Variants in SGCD observed in about 807,000 individuals in gnomAD.
The protein encoded by SGCD is delta-sarcoglycan.
Under a neutral mutation model 36.6 loss-of-function variants are expected in SGCD, and 18 were observed. The observed-to-expected ratio is 0.49, with a 90% CI of 0.34 to 0.73. The LOEUF is 0.73. SGCD is among the 30% of genes least tolerant of loss of function. SGCD has a pLI of 0.01. For missense variants in SGCD, 387 were observed against 346.7 expected (o/e 1.12, Z -0.92); for synonymous variants, 133 against 130.6 (o/e 1.02, Z -0.12).
intron 1 of SGCD, among the ~76,000 whole-genome samples, chr5:156,036,405 T>A (rs1759497106): frequency 6.6e-6 from 1 of 152,176 alleles, no homozygotes; most frequent in Non-Finnish European, 1.5e-5. Context: ...TAAGCATGAC[T>A]CTATCCAGGC....
intron 3 of SGCD, among the ~76,000 whole-genome samples, chr5:156,400,312 A>G (rs564830993): frequency 2.0e-5 from 3 of 152,352 alleles, no homozygotes; most frequent in Non-Finnish European, 4.4e-5. Flanking sequence ...GAGAAAATAT[A>G]CAGTTTCCAT....
rs1021837057 is a variant in SGCD, at chr5:156,344,638, C to T, written c.153C>T (p.Ala51=). 5.6e-6 allele frequency: 9 copies of T among 1,610,812 alleles called. No homozygotes were observed. The Admixed American group carries it at 1.3e-4, about 24-fold the overall frequency. ...LLMILILVNL[A]MTIWILKVMN... ...TGATTTTAATACTGGTGAACTTGGC[C>T]ATGACCATCTGGATTCTCAAAGTCA... The change falls in exon 3 of 9, where the codon GCC becomes GCT. Residue 51 remains alanine (A), a synonymous_variant. Coordinates refer to ENST00000337851, the MANE Select transcript of SGCD (RefSeq NM_000337.6).
chr5:156,113,763 T>C (rs1761846548), intron 1 of SGCD, among the ~76,000 whole-genome samples: 1 of 152,196 alleles, frequency 6.6e-6, no homozygotes, highest in Non-Finnish European at 1.5e-5. Flanking sequence ...GGAGCCAGCA[T>C]GTCCTTCTTT....
chr5:156,261,761 A>T (rs899350308), intron 3 of SGCD, among the ~76,000 whole-genome samples: 2 of 152,190 alleles, frequency 1.3e-5, no homozygotes, highest in African/African-American at 4.8e-5. Context: ...GTGGGATAAG[A>T]TGTGGAGGTC....
chr5:155,960,249 G>C (rs184148817), intron 1 of SGCD, among the ~76,000 whole-genome samples: 5 of 152,080 alleles, frequency 3.3e-5, no homozygotes, highest in African/African-American at 1.2e-4. Flanking sequence ...GTTTCTCTCA[G>C]GGGAAACCTA....
At chr5:156,023,863 A>C (rs1759164450) in intron 1 of SGCD, among the ~76,000 whole-genome samples, 1 of 152,158 alleles carries the variant, frequency 6.6e-6, no homozygotes, top group Non-Finnish European at 1.5e-5. Flanking sequence ...CTACTCTGCA[A>C]TTGCTTCTTC....
At chr5:156,679,636 A>T (rs1753648183) in intron 7 of SGCD, among the ~76,000 whole-genome samples, 1 of 152,190 alleles carries the variant, frequency 6.6e-6, no homozygotes, top group African/African-American at 2.4e-5. Flanking sequence ...TATGGCTCTG[A>T]TGTGCACAGA....
chr5:156,253,686 G>C (rs902665036), intron 3 of SGCD, among the ~76,000 whole-genome samples: 1 of 152,056 alleles, frequency 6.6e-6, no homozygotes, highest in African/African-American at 2.4e-5. Flanking sequence ...CTATTACTCG[G>C]ATTCCTCAGG....
intron 4 of SGCD, among the ~76,000 whole-genome samples, chr5:156,551,316 T>C (rs1025783147): frequency 6.6e-6 from 1 of 152,336 alleles, no homozygotes; most frequent in East Asian, 1.9e-4. Flanking sequence ...TTATTCCCAC[T>C]GAACATATTA....
chr5:156,604,976 C>T (rs990277666), intron 6 of SGCD, among the ~76,000 whole-genome samples: 2 of 151,664 alleles, frequency 1.3e-5, no homozygotes, highest in African/African-American at 4.8e-5. Context: ...GAAAGATTTA[C>T]ATAGTACCAT....
intron 3 of SGCD, among the ~76,000 whole-genome samples, chr5:156,399,396 A>G (rs1442357460): frequency 1.3e-5 from 2 of 152,228 alleles, no homozygotes; most frequent in Non-Finnish European, 2.9e-5. Flanking sequence ...TCTGAGCAGC[A>G]GGTCCACCAA....
intron 3 of SGCD, among the ~76,000 whole-genome samples, chr5:156,475,354 A>G (rs1755134789): frequency 6.6e-6 from 1 of 152,180 alleles, no homozygotes. Flanking sequence ...CTGCTCTGTC[A>G]TAGTGACAGT....
At position 156,734,144 on chromosome 5, in the gene SGCD, T is replaced by C. The variant is rs1297123405; in HGVS notation, c.576-23437T>C. 2.6e-5 allele frequency among the ~76,000 whole-genome samples: 4 copies of C among 152,264 alleles called. No individual in the cohort carries two copies. The East Asian group carries it at 7.7e-4, about 29-fold the overall frequency. On this transcript the variant is annotated intron_variant, in intron 7 of 8. Transcript: ENST00000337851. ...TTTGTTTGTCTGAAAATGATCTTATTTCTCCTTGTCTTATGAAGAATTCTA... is the reference window on the plus strand; with the variant it reads ...TTTGTTTGTCTGAAAATGATCTTATCTCTCCTTGTCTTATGAAGAATTCTA...
chr5:156,220,445 A>C (rs1204837950), intron 3 of SGCD, among the ~76,000 whole-genome samples: 1 of 152,182 alleles, frequency 6.6e-6, no homozygotes, highest in Non-Finnish European at 1.5e-5. Flanking sequence ...AGGTATAGGC[A>C]TGAAATTACT....
intron 3 of SGCD, among the ~76,000 whole-genome samples, chr5:156,238,818 G>A (rs754092668): frequency 1.3e-5 from 2 of 152,094 alleles, no homozygotes; most frequent in African/African-American, 4.8e-5. Context: ...TTAGTGTTCT[G>A]TAGCCTATTT....
At chr5:155,789,966 T>C in the SGCD span, among the ~76,000 whole-genome samples, 1 of 152,100 alleles carries the variant, frequency 6.6e-6, no homozygotes, top group African/African-American at 2.4e-5. Flanking sequence ...AGCTGGAGTA[T>C]AGATGACCTT....
chr5:155,931,485 A>G (rs557681224), intron 1 of SGCD, among the ~76,000 whole-genome samples: 2 of 152,238 alleles, frequency 1.3e-5, no homozygotes, highest in East Asian at 3.9e-4. Flanking sequence ...TCTTCATTTA[A>G]TGTCATTTAT....
intron 5 of SGCD, among the ~76,000 whole-genome samples, chr5:156,594,510 A>G (rs1198683576): frequency 3.3e-5 from 5 of 152,178 alleles, no homozygotes; most frequent in African/African-American, 1.2e-4. Context: ...CTGAATTTTA[A>G]AAAGCTCTTT....
At chr5:156,284,155 AG>A (rs1259244385) in intron 3 of SGCD, among the ~76,000 whole-genome samples, 1 of 152,204 alleles carries the variant, frequency 6.6e-6, no homozygotes, top group African/African-American at 2.4e-5. Flanking sequence ...GACCAATAAC[AG>A]GCTCTGAAAT....
Sources: gnomAD v4.1 joint callset for allele counts (sites outside exome capture counted in the v4.1 genomes callset) on GRCh38, gnomAD v4.1.1 for gene constraint, MANE v1.5 for transcripts, NCBI Gene and HGNC (gene_info 2026-07-23, HGNC 2026-07-21) for gene names.